Variants in CDH12 observed in about 807,000 individuals in gnomAD.
CDH12 encodes the protein cadherin-12.
CDH12 carries 41 observed loss-of-function variants against 74.1 expected under a neutral mutation model. The observed-to-expected ratio is 0.55, with a 90% confidence interval of 0.43 to 0.72. CDH12 has a LOEUF of 0.72. Among genes scored for constraint, CDH12 ranks in the 30% least tolerant of loss-of-function variants. The pLI is 0.00. For synonymous variants in CDH12, 399 were observed against 355.0 expected (o/e 1.12, Z -1.39); for missense variants, 945 against 977.2 (o/e 0.97, Z 0.44).
intron 1 of CDH12, among the ~76,000 whole-genome samples, chr5:22,636,281 T>A (rs1398597445): frequency 6.6e-6 from 1 of 151,334 alleles, no homozygotes; most frequent in Non-Finnish European, 1.5e-5. Context: ...TTAAACATAG[T>A]TGCCTATCAT....
chr5:22,676,885 C>A (rs756935353), intron 1 of CDH12, among the ~76,000 whole-genome samples: 1 of 152,206 alleles, frequency 6.6e-6, no homozygotes, highest in Non-Finnish European at 1.5e-5. Flanking sequence ...CTAATAATTA[C>A]AAATAGTAGT....
chr5:22,270,541 G>A lies in CDH12; in HGVS notation c.-332-57898C>T, dbSNP rs561275891. 3.0e-4 allele frequency among the ~76,000 whole-genome samples: 45 copies of A among 151,388 alleles called. 1 individual carries two copies. The South Asian group carries it at 9.4e-3, about 32-fold the overall frequency. On this transcript the variant is annotated intron_variant, in intron 3 of 14. Transcript: ENST00000382254. ...ACTCAGGAGGCAGAGGTTGCAGTGA[G>A]CTGAGATGGCACTGTTGCACTTCTG...
chr5:22,628,999 T>C (rs1738442734), intron 1 of CDH12, among the ~76,000 whole-genome samples: 1 of 151,410 alleles, frequency 6.6e-6, no homozygotes, highest in Non-Finnish European at 1.5e-5. Context: ...CTAGAAAATC[T>C]ACAAGAAATG....
At chr5:21,984,892 C>T (rs1757450683) in intron 5 of CDH12, among the ~76,000 whole-genome samples, 1 of 152,132 alleles carries the variant, frequency 6.6e-6, no homozygotes, top group Non-Finnish European at 1.5e-5. Flanking sequence ...CATACCAATT[C>T]ACTACACAAT....
At chr5:22,362,486 C>T (rs1011209022) in intron 3 of CDH12, among the ~76,000 whole-genome samples, 1 of 152,096 alleles carries the variant, frequency 6.6e-6, no homozygotes, top group African/African-American at 2.4e-5. Flanking sequence ...GTTGGTGGGA[C>T]TGTAAACTAG....
intron 4 of CDH12, among the ~76,000 whole-genome samples, chr5:22,121,930 T>C (rs1214522743): frequency 6.6e-6 from 1 of 152,028 alleles, no homozygotes; most frequent in Non-Finnish European, 1.5e-5. Flanking sequence ...CTATATTACA[T>C]ATAGGTGCAA....
chr5:22,469,387 G>A (rs1248745302), intron 2 of CDH12, among the ~76,000 whole-genome samples: 3 of 152,094 alleles, frequency 2.0e-5, no homozygotes, highest in South Asian at 4.1e-4. Context: ...GATGTGTTCT[G>A]GGCCTCTCTC....
chr5:22,826,010 T>A (rs1736306546), intron 1 of CDH12, among the ~76,000 whole-genome samples: 1 of 152,156 alleles, frequency 6.6e-6, no homozygotes, highest in South Asian at 2.1e-4. Context: ...GTCAAAGTAA[T>A]CTCATTTCCA....
At chr5:22,846,803 C>T (rs1737324158) in intron 1 of CDH12, among the ~76,000 whole-genome samples, 1 of 152,054 alleles carries the variant, frequency 6.6e-6, no homozygotes, top group Non-Finnish European at 1.5e-5. Context: ...GTGTAAACCT[C>T]TGGGCCAGGG....
chr5:22,335,033 G>GAA (rs1304981010), intron 3 of CDH12, among the ~76,000 whole-genome samples: 7 of 151,524 alleles, frequency 4.6e-5, no homozygotes, highest in Non-Finnish European at 1.0e-4. Context: ...CATAGAAAAG[G>GAA]AAAAAAATCA....
At chr5:22,396,053 C>A (rs999660109) in intron 3 of CDH12, among the ~76,000 whole-genome samples, 1 of 139,172 alleles carries the variant, frequency 7.2e-6, no homozygotes, top group Non-Finnish European at 1.6e-5. Flanking sequence ...TGATTGAATC[C>A]TTGATTTATA....
chr5:22,213,937 G>A (rs561714596), intron 3 of CDH12, among the ~76,000 whole-genome samples: 8 of 151,978 alleles, frequency 5.3e-5, no homozygotes, highest in African/African-American at 1.7e-4. Context: ...GTGTGGGTGC[G>A]TGTGCTTGCG....
At chr5:21,764,866 G>A in intron 12 of CDH12, 112 bp downstream of exon 12, 2 of 965,450 alleles carry the variant, frequency 2.1e-6, no homozygotes, top group Non-Finnish European at 3.2e-6. Context: ...TTTTATGAAA[G>A]CTCTGATTCA....
At chr5:22,308,809 AACACACACACAC>A (rs774664506) in intron 3 of CDH12, among the ~76,000 whole-genome samples, 3 of 85,314 alleles carry the variant, frequency 3.5e-5, no homozygotes, top group Non-Finnish European at 5.1e-5. Context: ...CAAATACACA[AACACACACACAC>A]ACACACACAC....
At chr5:22,599,272 C>T (rs935627234) in intron 1 of CDH12, among the ~76,000 whole-genome samples, 1 of 152,158 alleles carries the variant, frequency 6.6e-6, no homozygotes, top group Non-Finnish European at 1.5e-5. Flanking sequence ...TCTTCCTTGA[C>T]AGAAGAATAC....
intron 2 of CDH12, among the ~76,000 whole-genome samples, chr5:22,503,959 T>G (rs1736280015): frequency 6.6e-6 from 1 of 152,060 alleles, no homozygotes; most frequent in African/African-American, 2.4e-5. Context: ...TTGCCTTTTA[T>G]AGGAATTAAA....
At position 22,469,044 on chromosome 5, in the gene CDH12, TG is replaced by T. The variant is rs755187546; in HGVS notation, c.-428+36225del. Among the ~76,000 whole-genome samples the T allele has an allele frequency of 4.5e-4, 68 of 152,314 alleles. 1 individual carries two copies. The highest frequency in any genetic ancestry group is 1.5e-3 in the Admixed American group (23 of 15,296). On this transcript the variant is annotated intron_variant, in intron 2 of 14. Transcript: ENST00000382254. ...GGTACTTAATAAATGTTCTAATTCT[TG>T]GGCCCCAATTCAGATCACCTTAATC...
intron 1 of CDH12, among the ~76,000 whole-genome samples, chr5:22,548,491 C>T (rs1431506177): frequency 6.6e-6 from 1 of 152,004 alleles, no homozygotes; most frequent in East Asian, 1.9e-4. Context: ...AGAAAACTAT[C>T]ATTTTTTTTC....
intron 5 of CDH12, among the ~76,000 whole-genome samples, chr5:22,021,275 A>G (rs1737956175): frequency 6.6e-6 from 1 of 152,232 alleles, no homozygotes; most frequent in South Asian, 2.1e-4. Flanking sequence ...TCAGTACTCA[A>G]AAAGTTTCAG....
Sources: allele counts gnomAD v4.1 joint callset (sites outside exome capture counted in the v4.1 genomes callset), GRCh38; gene constraint gnomAD v4.1.1; transcripts MANE v1.5; gene names NCBI Gene and HGNC (gene_info 2026-07-23, HGNC 2026-07-21).